The following LFNG variants were observed in gnomAD, a reference collection of about 807,000 sequenced individuals.
LFNG encodes beta-1,3-N-acetylglucosaminyltransferase lunatic fringe.
LFNG carries 15 observed loss-of-function variants against 32.7 expected under a neutral mutation model. The ratio of observed to expected loss-of-function variants is 0.46; its 90% CI spans 0.31 to 0.71. The LOEUF is 0.71. LFNG is among the 30% of genes least tolerant of loss of function. The pLI, the probability that LFNG is intolerant of heterozygous loss-of-function variation, is 0.06. For synonymous variants in LFNG, 274 were observed against 246.8 expected (o/e 1.11, Z -1.03); for missense variants, 520 against 545.7 (o/e 0.95, Z 0.47).
At chr7:2,519,603 C>A (rs1008367912), upstream of LFNG, among the ~76,000 whole-genome samples, 2 of 150,068 alleles carry the variant, frequency 1.3e-5, no homozygotes, top group African/African-American at 4.9e-5. Context: ...GGGGGCGGGG[C>A]CGCTGCGCCC....
At chr7:2,521,837 G>A (rs1037184744) in intron 1 of LFNG, among the ~76,000 whole-genome samples, 1 of 152,214 alleles carries the variant, frequency 6.6e-6, no homozygotes, top group East Asian at 1.9e-4. Context: ...CCAGGAGCAC[G>A]TTGTAAGAGA....
In LFNG at chr7:2,526,413, C is replaced by T; in HGVS notation, c.987+4C>T. 1 of 1,605,996 alleles carries T rather than the reference C, an allele frequency of 6.2e-7. No homozygotes were observed. Among genetic ancestry groups the T allele is most frequent in the Non-Finnish European group, 8.5e-7 (1 of 1,179,864 alleles). ...CACCTCGGAGCTCCACGAGCAGGTGCACCATCCTCCGGGCCCCGCCAGGAC... is the reference window on the plus strand; with the variant it reads ...CACCTCGGAGCTCCACGAGCAGGTGTACCATCCTCCGGGCCCCGCCAGGAC... On this transcript the variant is annotated splice_donor_region_variant and intron_variant, in intron 6 of 7. Coordinates refer to ENST00000222725, the MANE Select transcript of LFNG (RefSeq NM_001040167.2). The surrounding 1 kb of genome is among the most constrained non-coding windows in gnomAD (Gnocchi z 6.9).
upstream of LFNG, among the ~76,000 whole-genome samples, chr7:2,519,325 C>T (rs547040427): frequency 6.6e-4 from 100 of 152,300 alleles, 1 homozygote; most frequent in Admixed American, 2.2e-3. Context: ...GGGAGGAAGC[C>T]GTGCTCAGGA....
chr7:2,526,538 A>AG lies in LFNG; in HGVS notation c.987+136dup, dbSNP rs926493321. 36 of 1,021,944 alleles carry AG rather than the reference A, an allele frequency of 3.5e-5. No individual in the cohort carries two copies. Among genetic ancestry groups the AG allele is most frequent in the South Asian group, 1.3e-4 (9 of 70,594 alleles). The allele number at this position is 1,021,944 out of a possible 1,614,324, so 63.3% of individuals were successfully genotyped here. Reference sequence around the variant, plus strand: ...GCCAGGCAGCACTCCACTGTCAGCCAGGGGGGGTCACTCCTGCCATGAGCT... The same window carrying AG: ...GCCAGGCAGCACTCCACTGTCAGCCAGGGGGGGGTCACTCCTGCCATGAGCT... On this transcript the variant is annotated intron_variant, in intron 6 of 7. Transcript: ENST00000222725. This position sits in a 1 kb window ranked among gnomAD's most constrained non-coding sequence, Gnocchi z 6.9.
chr7:2,527,663 A>G lies in LFNG; in HGVS notation c.*451A>G, dbSNP rs1780034230. Reference sequence around the variant, plus strand: ...TCCTGGCCCCTGTGTCATAGCCCCAAGTACGACTCACTGAGCCATGCTCAT... The same window carrying G: ...TCCTGGCCCCTGTGTCATAGCCCCAGGTACGACTCACTGAGCCATGCTCAT... On this transcript the variant is annotated 3_prime_UTR_variant, in exon 8 of 8. Coordinates refer to ENST00000222725, the MANE Select transcript of LFNG (RefSeq NM_001040167.2). This position sits in a 1 kb window ranked among gnomAD's most constrained non-coding sequence, Gnocchi z 4.4. The G allele has an allele frequency of 1.8e-6, 2 of 1,125,776 alleles. No individual in the cohort carries two copies. The highest frequency in any genetic ancestry group is 2.2e-6 in the Non-Finnish European group (2 of 910,232). The allele number at this position is 1,125,776 out of a possible 1,614,324, so 69.7% of individuals were successfully genotyped here.
intron 1 of LFNG, 31 bp from the exon 2 acceptor site, chr7:2,524,657 GAAGGGCT>G: frequency 6.4e-7 from 1 of 1,561,592 alleles, no homozygotes; most frequent in Non-Finnish European, 8.7e-7. Flanking sequence ...GGGTGGGGAT[GAAGGGCT>G]GCCTGCTGAA....
rs1265774341 is a variant in LFNG at position 2,520,301 on chromosome 7, C to G, written c.432+8C>G. 6.2e-7 allele frequency: 1 copy of G among 1,606,390 alleles called. No homozygotes were observed. ...TCGCGCCACAAGGAGATGGTGAGCC[C>G]CCCGCGGCCTGGACTGGCGGGCGAG... On this transcript the variant is annotated splice_region_variant and intron_variant, in intron 1 of 7. Coordinates refer to ENST00000222725, the MANE Select transcript of LFNG (RefSeq NM_001040167.2). The surrounding 1 kb of genome is among the most constrained non-coding windows in gnomAD (Gnocchi z 5.0).
rs1446160741 is a variant in LFNG at position 2,526,244 on chromosome 7, C to CG, written c.827dup (p.His277SerfsTer7). 1.2e-6 allele frequency: 2 copies of CG among 1,612,758 alleles called. No individual in the cohort carries two copies. Among genetic ancestry groups the CG allele is most frequent in the Non-Finnish European group, 1.7e-6 (2 of 1,179,966 alleles). On this transcript the variant is annotated frameshift_variant and splice_region_variant, in exon 6 of 8. Transcript: ENST00000222725. LOFTEE classifies it high-confidence loss of function. The surrounding 1 kb of genome is among the most constrained non-coding windows in gnomAD (Gnocchi z 6.9). ...TGGTCTGGGCCCTTCCCTCCCGCAG[C>CG]GGGGGTCACTTCATGAATACGGCTG...
intron 5 of LFNG, among the ~76,000 whole-genome samples, 180 bp downstream of exon 5, chr7:2,525,950 C>G (rs1291245930): frequency 1.3e-5 from 2 of 152,310 alleles, no homozygotes; most frequent in Admixed American, 1.3e-4. Context: ...ACGGCGGCTG[C>G]CCCCAAGCCT....
Position 2,519,861 on chromosome 7 carries a change from C to A in LFNG, c.-1C>A. 2 of 1,097,282 alleles carry A rather than the reference C, an allele frequency of 1.8e-6. No homozygotes were observed. The highest frequency in any genetic ancestry group is 6.7e-5 in the South Asian group (2 of 29,962). The allele number at this position is 1,097,282 out of a possible 1,614,324, so 68.0% of individuals were successfully genotyped here. A position where few individuals can be genotyped will look rare whatever the true frequency, so the allele number is the denominator to read the frequency against. ...GCGCGCCGCGCGGCCGCCACCCCACCATGCTCAAGCGCTGCGGCCGGCGCC... is the reference window on the plus strand; with the variant it reads ...GCGCGCCGCGCGGCCGCCACCCCACAATGCTCAAGCGCTGCGGCCGGCGCC... On this transcript the variant is annotated 5_prime_UTR_variant, in exon 1 of 8. Transcript: ENST00000222725.
upstream of LFNG, among the ~76,000 whole-genome samples, chr7:2,517,415 T>A (rs1419405266): frequency 6.6e-6 from 1 of 151,928 alleles, no homozygotes; most frequent in Non-Finnish European, 1.5e-5. Flanking sequence ...CCTACCCAGT[T>A]CTATGCATGT....
At position 2,524,540 on chromosome 7, in the gene LFNG, A is replaced by T. The variant is rs536183395; in HGVS notation, c.433-155A>T. 5.0e-5 allele frequency: 37 copies of T among 735,826 alleles called. 1 individual carries two copies. The South Asian group carries it at 5.7e-4, about 11-fold the overall frequency. 45.6% of individuals were successfully genotyped at this position (735,826 alleles called of 1,614,324 possible). A position where few individuals can be genotyped will look rare whatever the true frequency, so the allele number is the denominator to read the frequency against. ...GAGATGGGGCACTTGAGCCCTTCTC[A>T]GCACGAGTGGGGAAACCAAGGCCCG... On this transcript the variant is annotated intron_variant, in intron 1 of 7. Transcript: ENST00000222725.
upstream of LFNG, among the ~76,000 whole-genome samples, chr7:2,514,516 G>GTCCA (rs1201948500): frequency 1.6e-4 from 24 of 151,392 alleles, no homozygotes; most frequent in South Asian, 2.7e-3. Flanking sequence ...CCATTCACCT[G>GTCCA]TCCATCCATC....
chr7:2,517,292 C>T (rs1361379331), upstream of LFNG, among the ~76,000 whole-genome samples: 1 of 152,212 alleles, frequency 6.6e-6, no homozygotes, highest in African/African-American at 2.4e-5. Context: ...TTGCCAAAGC[C>T]TGCGGCCCCC....
At chr7:2,517,923 G>C, upstream of LFNG, 1 of 1,156,372 alleles carries the variant, frequency 8.6e-7, no homozygotes, top group Non-Finnish European at 1.1e-6. Flanking sequence ...TCCAGCTGCT[G>C]CGTGGAGAAT....
chr7:2,520,090 T>A lies in LFNG; in HGVS notation c.229T>A (p.Tyr77Asn). 1 of 1,322,774 alleles carries A rather than the reference T, an allele frequency of 7.6e-7. No individual in the cohort carries two copies. Among genetic ancestry groups the A allele is most frequent in the Non-Finnish European group, 9.7e-7 (1 of 1,026,896 alleles). 81.9% of individuals were successfully genotyped at this position (1,322,774 alleles called of 1,614,324 possible). A position where few individuals can be genotyped will look rare whatever the true frequency, so the allele number is the denominator to read the frequency against. The change falls in exon 1 of 8, where the codon TAC becomes AAC. Residue 77 changes from tyrosine to asparagine, a missense_variant. By Grantham distance (143) the Tyr-to-Asn change is moderately radical (BLOSUM62 -2). Coordinates refer to ENST00000222725, the MANE Select transcript of LFNG (RefSeq NM_001040167.2). The surrounding 1 kb of genome is among the most constrained non-coding windows in gnomAD (Gnocchi z 5.0). ...LVRDVHSLSE[Y>N]FSLLTRARRD... is the part of the protein sequence containing the mutation. Reference sequence around the variant, plus strand: ...CCGCGACGTGCACAGTCTGTCCGAGTACTTCAGCCTGCTCACCCGCGCGCG... The same window carrying A: ...CCGCGACGTGCACAGTCTGTCCGAGAACTTCAGCCTGCTCACCCGCGCGCG...
At chr7:2,523,248 G>A (rs943281171) in intron 1 of LFNG, among the ~76,000 whole-genome samples, 1 of 152,244 alleles carries the variant, frequency 6.6e-6, no homozygotes, top group Admixed American at 6.5e-5. Context: ...CCAAGGGGCT[G>A]GGTGCGAGTC....
At chr7:2,514,349 C>T (rs574171007), upstream of LFNG, among the ~76,000 whole-genome samples, 104 of 152,268 alleles carry the variant, frequency 6.8e-4, no homozygotes, top group African/African-American at 2.3e-3. Context: ...GCACCTGATA[C>T]ACACAGGCAC....
At position 2,527,629 on chromosome 7, in the gene LFNG, G is replaced by A; in HGVS notation, c.*417G>A. The A allele has an allele frequency of 8.6e-7, 1 of 1,164,804 alleles. No individual in the cohort carries two copies. The allele number at this position is 1,164,804 out of a possible 1,614,324, so 72.2% of individuals were successfully genotyped here. A position where few individuals can be genotyped will look rare whatever the true frequency, so the allele number is the denominator to read the frequency against. On this transcript the variant is annotated 3_prime_UTR_variant, in exon 8 of 8. Transcript: ENST00000222725. This position sits in a 1 kb window ranked among gnomAD's most constrained non-coding sequence, Gnocchi z 4.4. ...CAAGCTCTGTGCTGGGGGTACCTGTGCCCTGAAGTCCTGGCCCCTGTGTCA... is the reference window on the plus strand; with the variant it reads ...CAAGCTCTGTGCTGGGGGTACCTGTACCCTGAAGTCCTGGCCCCTGTGTCA...
Sources: gnomAD v4.1 joint callset for allele counts (sites outside exome capture counted in the v4.1 genomes callset) on GRCh38, gnomAD v4.1.1 for gene constraint, Gnocchi (gnomAD v3.1) non-coding constraint, MANE v1.5 for transcripts, NCBI Gene and HGNC (gene_info 2026-07-23, HGNC 2026-07-21) for gene names.